PCDHA6: variants seen among roughly 807,000 people sequenced by gnomAD.
PCDHA6 encodes protocadherin alpha-6.
A neutral mutation model predicts 60.3 loss-of-function variants in PCDHA6; 55 were observed. That is an observed-to-expected ratio of 0.91 (90% CI 0.73 to 1.14). The LOEUF is 1.14. Ranked by LOEUF, PCDHA6 falls within the 50% of genes most tolerant of loss-of-function variation. The pLI is 0.00. For missense variants in PCDHA6, 1,327 were observed against 1,256.5 expected (o/e 1.06, Z -0.85); for synonymous variants, 652 against 557.9 (o/e 1.17, Z -2.38).
At chr5:140,975,475 A>G (rs546732390) in intron 1 of PCDHA6, among the ~76,000 whole-genome samples, 5 of 152,368 alleles carry the variant, frequency 3.3e-5, no homozygotes, top group African/African-American at 1.2e-4. Flanking sequence ...TCTGCCTATC[A>G]GTTTATATCA....
chr5:140,859,387 C>A, intron 1 of PCDHA6: 2 of 268,138 alleles, frequency 7.5e-6, no homozygotes, highest in South Asian at 8.3e-5. Context: ...CTTCTCTAGT[C>A]ATCTTAAACA....
intron 1 of PCDHA6, among the ~76,000 whole-genome samples, chr5:140,964,846 C>G (rs1292135709): frequency 2.0e-5 from 3 of 152,180 alleles, no homozygotes; most frequent in Non-Finnish European, 2.9e-5. Context: ...TACTCTGTAC[C>G]CTTGAGGAAA....
chr5:140,834,240 C>T (rs1209689880), intron 1 of PCDHA6: 2 of 806,998 alleles, frequency 2.5e-6, no homozygotes, highest in Non-Finnish European at 3.9e-6. Flanking sequence ...CATTCCTTTT[C>T]GCACTGGAAA....
chr5:140,967,072 C>A, intron 1 of PCDHA6: 7 of 1,613,106 alleles, frequency 4.3e-6, no homozygotes, highest in Non-Finnish European at 5.9e-6. Context: ...TCTTCGTCAA[C>A]GAGCGCATTG....
At position 140,882,068 on chromosome 5, in the gene PCDHA6, C is replaced by A. The variant is rs1219461637; in HGVS notation, c.2394+51583C>A. 8.4e-6 allele frequency: 7 copies of A among 837,710 alleles called. No homozygotes were observed. The East Asian group carries it at 1.9e-4, about 22-fold the overall frequency. The allele number at this position is 837,710 out of a possible 1,614,324, so 51.9% of individuals were successfully genotyped here. On this transcript the variant is annotated intron_variant, in intron 1 of 3. Coordinates refer to ENST00000529310, the MANE Select transcript of PCDHA6 (RefSeq NM_018909.4). ...TCATACTTACACTTACACGTTCATG[C>A]GCATGGTGTCGCTCTTCACTGAGAA...
At chr5:140,922,430 A>G (rs574413053) in intron 1 of PCDHA6, among the ~76,000 whole-genome samples, 6 of 152,246 alleles carry the variant, frequency 3.9e-5, no homozygotes, top group Non-Finnish European at 7.3e-5. Context: ...GGCTGAGGGC[A>G]GAACTCTCTC....
Position 140,851,361 on chromosome 5 carries a change from A to G in PCDHA6, c.2394+20876A>G, listed in dbSNP as rs1342409970. The G allele has an allele frequency of 6.1e-6, 6 of 978,064 alleles. No individual in the cohort carries two copies. In the African/African-American group the frequency reaches 8.8e-5, roughly 14 times the overall value. The allele number at this position is 978,064 out of a possible 1,614,324, so 60.6% of individuals were successfully genotyped here. On this transcript the variant is annotated intron_variant, in intron 1 of 3. Coordinates refer to ENST00000529310, the MANE Select transcript of PCDHA6 (RefSeq NM_018909.4). Reference sequence around the variant, plus strand: ...ACATTTCTCTGGATGGAGACTGTGAACATCTGATTGTTCAGCAACCTTCAG... The same window carrying G: ...ACATTTCTCTGGATGGAGACTGTGAGCATCTGATTGTTCAGCAACCTTCAG...
intron 1 of PCDHA6, among the ~76,000 whole-genome samples, chr5:140,965,384 A>C (rs1275113616): frequency 6.6e-6 from 1 of 152,222 alleles, no homozygotes; most frequent in Non-Finnish European, 1.5e-5. Flanking sequence ...GGGACACAGA[A>C]GAACAGAAGT....
rs71583613 is a variant in PCDHA6 at position 141,001,265 on chromosome 5, T to G, written c.2543-8362T>G. 5.1e-4 allele frequency among the ~76,000 whole-genome samples: 78 copies of G among 152,286 alleles called. No individual in the cohort carries two copies. In the Middle Eastern group the frequency reaches 0.01, roughly 20 times the overall value. On this transcript the variant is annotated intron_variant, in intron 3 of 3. Transcript: ENST00000529310. ...CAACCCTATGGGGCGGGCACTCTTATGAACTTTTTTTACGGATGAAAACTG... is the reference window on the plus strand; with the variant it reads ...CAACCCTATGGGGCGGGCACTCTTAGGAACTTTTTTTACGGATGAAAACTG...
intron 1 of PCDHA6, chr5:140,927,596 G>T: frequency 6.2e-7 from 1 of 1,614,162 alleles, no homozygotes; most frequent in Non-Finnish European, 8.5e-7. Context: ...GTATTTGAGC[G>T]CTCCGTATAC....
At chr5:140,870,257 C>A in intron 1 of PCDHA6, 2 of 1,614,172 alleles carry the variant, frequency 1.2e-6, no homozygotes, top group African/African-American at 1.3e-5. Flanking sequence ...GGACAGGTGA[C>A]CTGCTCGCTG....
intron 1 of PCDHA6, chr5:140,927,515 G>A (rs782499434): frequency 1.2e-6 from 2 of 1,614,100 alleles, no homozygotes; most frequent in South Asian, 1.1e-5. Flanking sequence ...GCTCGGGACG[G>A]CGGGCTACCT....
chr5:140,907,690 G>C (rs761914004), intron 1 of PCDHA6, among the ~76,000 whole-genome samples: 1 of 152,196 alleles, frequency 6.6e-6, no homozygotes, highest in African/African-American at 2.4e-5. Context: ...TTGGTGAGTG[G>C]AAGTCCCTGT....
chr5:140,988,038 T>C (rs1045669411), intron 3 of PCDHA6, among the ~76,000 whole-genome samples: 1 of 152,212 alleles, frequency 6.6e-6, no homozygotes, highest in African/African-American at 2.4e-5. Flanking sequence ...TTTTAGAATC[T>C]GTTTAGGAGC....
At chr5:140,857,506 C>A in intron 1 of PCDHA6, 2 of 1,598,276 alleles carry the variant, frequency 1.3e-6, no homozygotes, top group Non-Finnish European at 1.7e-6. Flanking sequence ...CGCAGGAGAA[C>A]GCCCTGGTGT....
At chr5:140,966,314 G>C (rs1255868901) in intron 1 of PCDHA6, 2 of 388,054 alleles carry the variant, frequency 5.2e-6, no homozygotes, top group Middle Eastern at 6.5e-4. Flanking sequence ...GTGTTCCTGC[G>C]GTCCGCTGGG....
intron 1 of PCDHA6, chr5:140,876,581 C>G (rs782654448): frequency 1.9e-6 from 3 of 1,614,200 alleles, no homozygotes; most frequent in Non-Finnish European, 2.5e-6. Flanking sequence ...ACCGTCATTG[C>G]CCTGATTAGC....
intron 1 of PCDHA6, chr5:140,968,752 C>T: frequency 6.2e-7 from 1 of 1,614,094 alleles, no homozygotes; most frequent in Non-Finnish European, 8.5e-7. Context: ...CCGTGGTGGT[C>T]CGAGATAATG....
intron 1 of PCDHA6, chr5:140,850,828 C>T: frequency 6.3e-7 from 1 of 1,598,230 alleles, no homozygotes; most frequent in African/African-American, 1.3e-5. Context: ...GGCCTTTCTC[C>T]TTGTGCTGGA....
Sources: gnomAD v4.1 joint callset for allele counts (sites outside exome capture counted in the v4.1 genomes callset) on GRCh38, gnomAD v4.1.1 for gene constraint, MANE v1.5 for transcripts, NCBI Gene and HGNC (gene_info 2026-07-23, HGNC 2026-07-21) for gene names.